TRAF3: variants seen among roughly 807,000 people sequenced by gnomAD.
TRAF3 encodes TNF receptor associated factor 3, also known as TNF receptor-associated factor 3.
Under a neutral mutation model 62.3 loss-of-function variants are expected in TRAF3, and 13 were observed. That is an observed-to-expected ratio of 0.21 (90% confidence interval 0.14 to 0.33). The LOEUF (loss-of-function observed/expected upper bound fraction) is 0.33. TRAF3 is among the 10% of genes least tolerant of loss of function. The probability of loss-of-function intolerance (pLI) is 1.00; values close to 1 mark genes in which losing one functional copy is unlikely to be tolerated. For missense variants in TRAF3, 440 were observed against 741.8 expected, an observed-to-expected ratio of 0.59 and a Z score of 4.73; for synonymous variants, 269 against 283.4, an observed-to-expected ratio of 0.95 and a Z score of 0.51.
intron 1 of TRAF3, among the ~76,000 whole-genome samples, chr14:102,825,858 C>G (rs1900278145): frequency 2.0e-5 from 3 of 152,238 alleles, no homozygotes; most frequent in African/African-American, 7.2e-5. Flanking sequence ...TTGAGTGAGT[C>G]TCTCTGAAGC....
chr14:102,895,600 T>G (rs57521303), intron 9 of TRAF3, among the ~76,000 whole-genome samples: 2 of 152,052 alleles, frequency 1.3e-5, no homozygotes, highest in Admixed American at 1.3e-4. Context: ...GCTTAGGGTC[T>G]TCTGGGGTGG....
rs2140003545 is a variant in TRAF3 at position 102,903,724 on chromosome 14, G to T, written c.1135+295G>T. On this transcript the variant is annotated intron_variant, in intron 11 of 11. Coordinates refer to ENST00000392745, the MANE Select transcript of TRAF3 (RefSeq NM_145725.3). This position sits in a 1 kb window ranked among gnomAD's most constrained non-coding sequence, Gnocchi z 6.4. ...CCTCCTGGGAGAGACTGGCCGCAGG[G>T]TGACCCACAGGACAGGCCCAAGCGC... The T allele has an allele frequency of 1.8e-6, 1 of 542,192 alleles. No individual in the cohort carries two copies. Among genetic ancestry groups the T allele is most frequent in the East Asian group, 4.6e-5 (1 of 21,770 alleles). The allele number at this position is 542,192 out of a possible 1,614,324, so 33.6% of individuals were successfully genotyped here.
intron 4 of TRAF3, among the ~76,000 whole-genome samples, chr14:102,874,578 AGAGT>A (rs1888536578): frequency 6.6e-6 from 1 of 152,052 alleles, no homozygotes; most frequent in Non-Finnish European, 1.5e-5. Flanking sequence ...TCTTAAAAAA[AGAGT>A]GAGAATGAGA....
rs113592140 is a variant in TRAF3, at chr14:102,870,490, C to T, written c.245+44C>T. 7.1e-4 allele frequency: 1,145 copies of T among 1,606,632 alleles called. 15 individuals carry two copies. In the African/African-American group the frequency reaches 0.012, roughly 17 times the overall value. ...CCCGTCGCCCGGCCCCTTCTCAGCC[C>T]TCGGCCTCACCCTCTCCTTCATTCG... is the stretch of plus-strand genomic sequence containing the variant. On this transcript the variant is annotated intron_variant, in intron 3 of 11. Transcript: ENST00000392745.
At chr14:102,824,717 C>T (rs1900192723) in intron 1 of TRAF3, among the ~76,000 whole-genome samples, 1 of 152,154 alleles carries the variant, frequency 6.6e-6, no homozygotes, top group African/African-American at 2.4e-5. Context: ...GCTAGTCTGC[C>T]TGAGCTAAAT....
In TRAF3 at chr14:102,825,187, G is replaced by A. The variant is rs148574391; in HGVS notation, c.-156-5147G>A. On this transcript the variant is annotated intron_variant, in intron 1 of 11. Coordinates refer to ENST00000392745, the MANE Select transcript of TRAF3 (RefSeq NM_145725.3). Reference sequence around the variant, plus strand: ...GAGGAGGTCATGCCAAGTCCAAAGCGTCAGGCCGCTCAGAGCCAAGCAGCT... The same window carrying A: ...GAGGAGGTCATGCCAAGTCCAAAGCATCAGGCCGCTCAGAGCCAAGCAGCT... 5.1e-3 allele frequency among the ~76,000 whole-genome samples: 772 copies of A among 152,354 alleles called. 5 individuals carry two copies. Among genetic ancestry groups the A allele is most frequent in the African/African-American group, 0.017 (699 of 41,574 alleles).
intron 6 of TRAF3, among the ~76,000 whole-genome samples, chr14:102,877,748 A>G (rs974649351): frequency 6.0e-5 from 9 of 151,130 alleles, no homozygotes; most frequent in Admixed American, 4.6e-4. Context: ...ACTCATAGAT[A>G]ATCCATTCCA....
chr14:102,869,804 TAAAAAA>T (rs1168298718), intron 2 of TRAF3, among the ~76,000 whole-genome samples: 4 of 132,932 alleles, frequency 3.0e-5, no homozygotes, highest in Non-Finnish European at 6.6e-5. Context: ...AGACTCCGTC[TAAAAAA>T]AAAAAAAAAA....
rs755156233 is a variant in TRAF3, at chr14:102,905,816, G to T, written c.*32G>T. Reference sequence around the variant, plus strand: ...GCTGGGGAGGTGGATTTAGCAGAAGGCAACTCCTCTGGGGGATTTGAACCG... The same window carrying T: ...GCTGGGGAGGTGGATTTAGCAGAAGTCAACTCCTCTGGGGGATTTGAACCG... On this transcript the variant is annotated 3_prime_UTR_variant, in exon 12 of 12. Coordinates refer to ENST00000392745, the MANE Select transcript of TRAF3 (RefSeq NM_145725.3). 6.3e-7 allele frequency: 1 copy of T among 1,583,620 alleles called. No homozygotes were observed. The highest frequency in any genetic ancestry group is 1.7e-5 in the Admixed American group (1 of 59,666).
chr14:102,878,970 C>A (rs1595388743), intron 6 of TRAF3, among the ~76,000 whole-genome samples: 1 of 151,980 alleles, frequency 6.6e-6, no homozygotes, highest in Non-Finnish European at 1.5e-5. Context: ...AAAGGTGACT[C>A]CCAGTGCTTG....
At chr14:102,900,442 A>G (rs1215723364) in intron 10 of TRAF3, among the ~76,000 whole-genome samples, 1 of 152,256 alleles carries the variant, frequency 6.6e-6, no homozygotes, top group African/African-American at 2.4e-5. Context: ...CAGAGGTTGC[A>G]GTGAGCAAAG....
intron 2 of TRAF3, among the ~76,000 whole-genome samples, chr14:102,860,872 A>C (rs1278156516): frequency 1.3e-5 from 2 of 152,390 alleles, no homozygotes; most frequent in Admixed American, 6.5e-5. Context: ...CTACTACCCC[A>C]AAATCCCTGT....
intron 1 of TRAF3, among the ~76,000 whole-genome samples, chr14:102,793,884 G>T (rs1336910932): frequency 3.3e-5 from 5 of 152,218 alleles, no homozygotes; most frequent in Middle Eastern, 3.2e-3. Context: ...TCTGTGGGCT[G>T]ATCAAGCAGG....
chr14:102,780,976 G>A (rs1400803966), intron 1 of TRAF3, among the ~76,000 whole-genome samples: 1 of 152,162 alleles, frequency 6.6e-6, no homozygotes, highest in African/African-American at 2.4e-5. Flanking sequence ...AACCCTTCGG[G>A]GGAGAATACT....
chr14:102,854,651 C>T (rs2103928), intron 2 of TRAF3, among the ~76,000 whole-genome samples: 54,347 of 151,940 alleles, frequency 0.36, 12,736 homozygotes, highest in African/African-American at 0.66. Context: ...GTGTGCACCA[C>T]CACACCCAGC....
chr14:102,905,537 C>T lies in TRAF3; in HGVS notation c.1460C>T (p.Pro487Leu). Residue 487 changes from proline (P) to leucine (L), a missense_variant, in exon 12 of 12, where the codon CCT becomes CTT. Around this residue, in one of 6 missense-constraint regions of TRAF3, gnomAD observed 59 missense variants for 120.9 expected, o/e 0.49. Transcript: ENST00000392745. ...CGTGGAGAATATGATGCCCTGCTTCCTTGGCCGTTTAAGCAGAAAGTGACA... is the reference window on the plus strand; with the variant it reads ...CGTGGAGAATATGATGCCCTGCTTCTTTGGCCGTTTAAGCAGAAAGTGACA... ...IMRGEYDALL[P>L]WPFKQKVTLM... is the part of the protein sequence containing the mutation. 6.2e-7 allele frequency: 1 copy of T among 1,614,152 alleles called. No homozygotes were observed. Among genetic ancestry groups the T allele is most frequent in the South Asian group, 1.1e-5 (1 of 91,080 alleles).
rs1333967048 is a variant in TRAF3 at position 102,907,638 on chromosome 14, C to CG, written c.*1858dup. The CG allele has an allele frequency of 3.3e-5, 5 of 152,300 alleles. No homozygotes were observed. Among genetic ancestry groups the CG allele is most frequent in the African/African-American group, 9.7e-5 (4 of 41,442 alleles). The allele number at this position is 152,300 out of a possible 1,614,324, so 9.4% of individuals were successfully genotyped here. A position where few individuals can be genotyped will look rare whatever the true frequency, so the allele number is the denominator to read the frequency against. On this transcript the variant is annotated 3_prime_UTR_variant, in exon 12 of 12. Transcript: ENST00000392745. ...TGCCTCGGCTCTCCCCGTGGCCGCG[C>CG]GGGGACAGCTTGGTGGGTGCCCGGT...
chr14:102,802,927 T>TA (rs1025182820), intron 1 of TRAF3, among the ~76,000 whole-genome samples: 1 of 152,120 alleles, frequency 6.6e-6, no homozygotes, highest in Admixed American at 6.5e-5. Flanking sequence ...TCAGGAAACT[T>TA]ACAATCATGG....
At chr14:102,808,950 G>A (rs1459624492) in intron 1 of TRAF3, 1 of 151,864 alleles carries the variant, frequency 6.6e-6, no homozygotes, top group Non-Finnish European at 1.5e-5. Context: ...CGAGCAGCTG[G>A]GATTACAGGT....
Sources: allele counts gnomAD v4.1 joint callset (sites outside exome capture counted in the v4.1 genomes callset), GRCh38; gene constraint gnomAD v4.1.1; regional missense constraint gnomAD v4.1.1; non-coding constraint Gnocchi (gnomAD v3.1); transcripts MANE v1.5; gene names NCBI Gene and HGNC (gene_info 2026-07-23, HGNC 2026-07-21).